Variants in FNIP2 observed in about 807,000 individuals in gnomAD.
FNIP2 encodes folliculin-interacting protein 2.
A neutral mutation model predicts 108.7 loss-of-function variants in FNIP2; 32 were observed. That is an observed-to-expected ratio of 0.29 (90% CI 0.22 to 0.40). FNIP2 has a LOEUF of 0.40. Ranked by LOEUF, FNIP2 falls within the 10% of genes least tolerant of loss-of-function variation. FNIP2 has a pLI of 1.00. For missense variants in FNIP2, 1,202 were observed against 1,381.6 expected (o/e 0.87, Z 2.06); for synonymous variants, 480 against 496.7 (o/e 0.97, Z 0.45).
In FNIP2 at chr4:158,865,823, G is replaced by A. The variant is rs181447227; in HGVS notation, c.1466-2279G>A. Among the ~76,000 whole-genome samples the A allele has an allele frequency of 1.1e-4, 16 of 152,162 alleles. 1 individual carries two copies. Among genetic ancestry groups the A allele is most frequent in the Admixed American group, 9.2e-4 (14 of 15,288 alleles). On this transcript the variant is annotated intron_variant, in intron 12 of 16. Transcript: ENST00000264433. The stretch of plus-strand genomic sequence containing the variant: ...TCTGAGTTACTCTCTTGAATTCTAG[G>A]CTGATTTCTCAGTCACTTGCAAACG...
chr4:158,853,649 A>C (rs1779824002), intron 8 of FNIP2, among the ~76,000 whole-genome samples: 1 of 152,192 alleles, frequency 6.6e-6, no homozygotes, highest in East Asian at 1.9e-4. Flanking sequence ...TCCTTGCGAT[A>C]GTTTGCTCAG....
At position 158,904,726 on chromosome 4, in the gene FNIP2, G is replaced by C; in HGVS notation, c.*182G>C. 1 of 585,832 alleles carries C rather than the reference G, an allele frequency of 1.7e-6. No individual in the cohort carries two copies. Among genetic ancestry groups the C allele is most frequent in the East Asian group, 2.9e-5 (1 of 34,950 alleles). The allele number at this position is 585,832 out of a possible 1,614,324, so 36.3% of individuals were successfully genotyped here. ...CTTCATTGAAGACTTAGGTTTACTT[G>C]ACATAATAGCATTTGTGATTGTCGT... On this transcript the variant is annotated 3_prime_UTR_variant, in exon 17 of 17. Transcript: ENST00000264433.
intron 7 of FNIP2, among the ~76,000 whole-genome samples, chr4:158,838,691 A>G (rs1778950441): frequency 1.3e-5 from 2 of 152,190 alleles, no homozygotes; most frequent in Non-Finnish European, 2.9e-5. Flanking sequence ...TTATATTAGT[A>G]TGGTATATTT....
chr4:158,799,300 AAGG>A (rs1776686860), intron 1 of FNIP2, among the ~76,000 whole-genome samples: 1 of 152,230 alleles, frequency 6.6e-6, no homozygotes, highest in South Asian at 2.1e-4. Flanking sequence ...ATCCAAATGG[AAGG>A]GAGCTGGAGA....
chr4:158,809,129 CA>C (rs1456020888), intron 1 of FNIP2, among the ~76,000 whole-genome samples: 1 of 152,154 alleles, frequency 6.6e-6, no homozygotes, highest in Non-Finnish European at 1.5e-5. Flanking sequence ...AATGGCTTGT[CA>C]GTAAAAATTC....
chr4:158,893,729 G>C lies in FNIP2; in HGVS notation c.3151-2021G>C, dbSNP rs189547099. 1.6e-3 allele frequency: 2,541 copies of C among 1,563,100 alleles called. 6 individuals carry two copies. The highest frequency in any genetic ancestry group is 2.0e-3 in the Non-Finnish European group (2,301 of 1,145,762). ...TAATGTTTCCTTTTCTGTAAGAGAA[G>C]TAATGTATATTAGACTTCATAGTTT... On this transcript the variant is annotated intron_variant, in intron 15 of 16. Transcript: ENST00000264433.
chr4:158,834,037 T>C, intron 6 of FNIP2: 1 of 377,230 alleles, frequency 2.7e-6, no homozygotes, highest in Non-Finnish European at 4.5e-6. Context: ...GCCAAATCCA[T>C]GGTGTTTCGA....
chr4:158,806,327 C>T (rs768444192), intron 1 of FNIP2: 32 of 1,289,394 alleles, frequency 2.5e-5, no homozygotes, highest in Non-Finnish European at 3.1e-5. Flanking sequence ...GATGCTGTTC[C>T]TGGTGCTGGG....
At chr4:158,841,540 G>T (rs774837195) in intron 7 of FNIP2, among the ~76,000 whole-genome samples, 5 of 152,142 alleles carry the variant, frequency 3.3e-5, no homozygotes, top group Non-Finnish European at 5.9e-5. Flanking sequence ...GCAAAGGAGG[G>T]TACTGTTTTT....
intron 1 of FNIP2, among the ~76,000 whole-genome samples, chr4:158,800,833 A>G (rs1322891046): frequency 1.3e-5 from 2 of 152,170 alleles, no homozygotes; most frequent in Admixed American, 6.5e-5. Context: ...TATGTTTCAC[A>G]GATTTTATGA....
Position 158,868,697 on chromosome 4 carries a change from A to T in FNIP2, c.2061A>T (p.Lys687Asn). Reference sequence around the variant, plus strand: ...AGCAAGCTGTCTGTGAGCTGTTGAAAGTGGAGATGCCTACAAGACTGCCAG... The same window carrying T: ...AGCAAGCTGTCTGTGAGCTGTTGAATGTGGAGATGCCTACAAGACTGCCAG... ...MDQQAVCELLKVEMPTRLPDR... is the reference protein window; with the variant it reads ...MDQQAVCELLNVEMPTRLPDR... Residue 687 changes from lysine to asparagine, a missense_variant, in exon 13 of 17, where the codon AAA becomes AAT. Around this residue, in one of 5 missense-constraint regions of FNIP2, gnomAD observed 878 missense variants for 990.3 expected, o/e 0.89. Transcript: ENST00000264433. The surrounding 1 kb of genome is among the most constrained non-coding windows in gnomAD (Gnocchi z 4.6). The T allele has an allele frequency of 1.2e-6, 2 of 1,614,026 alleles. No individual in the cohort carries two copies. Among genetic ancestry groups the T allele is most frequent in the Non-Finnish European group, 1.7e-6 (2 of 1,179,908 alleles).
intron 1 of FNIP2, among the ~76,000 whole-genome samples, chr4:158,789,630 A>C (rs1776337629): frequency 6.6e-6 from 1 of 152,196 alleles, no homozygotes; most frequent in African/African-American, 2.4e-5. Flanking sequence ...TACAAGAATG[A>C]ATAAGATAAC....
chr4:158,828,918 C>G (rs897157185), intron 2 of FNIP2, among the ~76,000 whole-genome samples, 161 bp from the exon 3 acceptor site: 1 of 152,104 alleles, frequency 6.6e-6, no homozygotes, highest in Non-Finnish European at 1.5e-5. Context: ...TTCTGCCATC[C>G]CAAACCATGT....
intron 1 of FNIP2, among the ~76,000 whole-genome samples, chr4:158,776,772 G>T (rs1280828496): frequency 1.3e-5 from 2 of 152,208 alleles, no homozygotes; most frequent in Admixed American, 6.5e-5. Context: ...CAGGAAGTTG[G>T]CGTTTAATAA....
chr4:158,904,701 C>G lies in FNIP2; in HGVS notation c.*157C>G. 1.5e-6 allele frequency: 1 copy of G among 645,388 alleles called. No individual in the cohort carries two copies. Among genetic ancestry groups the G allele is most frequent in the Non-Finnish European group, 2.7e-6 (1 of 372,400 alleles). The allele number at this position is 645,388 out of a possible 1,614,324, so 40.0% of individuals were successfully genotyped here. On this transcript the variant is annotated 3_prime_UTR_variant, in exon 17 of 17. Coordinates refer to ENST00000264433, the MANE Select transcript of FNIP2 (RefSeq NM_020840.3). ...TTGTGTTTTTGCTGTCAAGCTGATG[C>G]TTCATTGAAGACTTAGGTTTACTTG...
At chr4:158,813,274 A>G (rs1035184258) in intron 1 of FNIP2, among the ~76,000 whole-genome samples, 7 of 152,140 alleles carry the variant, frequency 4.6e-5, no homozygotes, top group Admixed American at 4.6e-4. Context: ...GAAACTGCCA[A>G]ACTCTTCCAA....
chr4:158,882,599 T>C (rs1781741328), intron 14 of FNIP2, among the ~76,000 whole-genome samples: 1 of 152,256 alleles, frequency 6.6e-6, no homozygotes. Flanking sequence ...AGATTGTTGC[T>C]GTGGCTGTGT....
At chr4:158,805,723 G>A (rs893161593) in intron 1 of FNIP2, among the ~76,000 whole-genome samples, 1 of 152,218 alleles carries the variant, frequency 6.6e-6, no homozygotes, top group African/African-American at 2.4e-5. Flanking sequence ...AGAGGGTGGT[G>A]TGGCCAATGT....
At chr4:158,867,795 T>TTGGGCCA (rs1405384246) in intron 12 of FNIP2, among the ~76,000 whole-genome samples, 3 of 152,236 alleles carry the variant, frequency 2.0e-5, no homozygotes, top group Non-Finnish European at 4.4e-5. Flanking sequence ...TTAGCCTTCT[T>TTGGGCCA]TGGGCCATCT....
Sources: allele counts gnomAD v4.1 joint callset (sites outside exome capture counted in the v4.1 genomes callset), GRCh38; gene constraint gnomAD v4.1.1; regional missense constraint gnomAD v4.1.1; non-coding constraint Gnocchi (gnomAD v3.1); transcripts MANE v1.5; gene names NCBI Gene and HGNC (gene_info 2026-07-23, HGNC 2026-07-21).